Variants in LRRC37A2 observed in about 807,000 individuals in gnomAD.
LRRC37A2 encodes the protein leucine-rich repeat-containing protein 37A2.
LRRC37A2 carries 9 observed loss-of-function variants against 68.8 expected under a neutral mutation model. The observed-to-expected ratio is 0.13, with a 90% CI of 0.08 to 0.23. The LOEUF (loss-of-function observed/expected upper bound fraction) is 0.23, where lower values mean the gene tolerates loss of function less well. Among genes scored for constraint, LRRC37A2 ranks in the 10% least tolerant of loss-of-function variants. The pLI, the probability that LRRC37A2 is intolerant of heterozygous loss-of-function variation, is 1.00. For synonymous variants in LRRC37A2, 63 were observed against 367.6 expected, an observed-to-expected ratio of 0.17 and a Z score of 9.48; for missense variants, 168 against 950.4, an observed-to-expected ratio of 0.18 and a Z score of 10.82.
At chr17:46,903,957 T>C in the LRRC37A2 span, among the ~76,000 whole-genome samples, 1 of 149,454 alleles carries the variant, frequency 6.7e-6, no homozygotes, top group Non-Finnish European at 1.5e-5. Context: ...GATGAAAGGG[T>C]TGGATGTGTG....
At chr17:46,810,021 T>TTTTTTTC in the LRRC37A2 span, among the ~76,000 whole-genome samples, 2 of 149,974 alleles carry the variant, frequency 1.3e-5, no homozygotes, top group African/African-American at 2.5e-5. Context: ...TTTTTTTTTT[T>TTTTTTTC]TTGAGACAGA....
At chr17:46,868,455 G>A in the LRRC37A2 span, among the ~76,000 whole-genome samples, 2 of 152,128 alleles carry the variant, frequency 1.3e-5, no homozygotes, top group African/African-American at 2.4e-5. Context: ...AAATAGCTGG[G>A]CGTGGTGGCA....
chr17:46,824,051 C>A, the LRRC37A2 span, among the ~76,000 whole-genome samples: 3 of 152,094 alleles, frequency 2.0e-5, no homozygotes, highest in Non-Finnish European at 4.4e-5. Flanking sequence ...CCCCTTCAGG[C>A]GCCCAGGAGC....
the LRRC37A2 span, among the ~76,000 whole-genome samples, chr17:46,502,282 C>A: frequency 1.3e-5 from 2 of 150,988 alleles, no homozygotes; most frequent in Non-Finnish European, 2.9e-5. Flanking sequence ...ACTACTTGAC[C>A]CCCACTGTTA....
chr17:46,818,958 C>T, the LRRC37A2 span, among the ~76,000 whole-genome samples: 3 of 152,106 alleles, frequency 2.0e-5, no homozygotes, highest in Non-Finnish European at 2.9e-5. Context: ...CGCGGTGGGC[C>T]GGACCCTCTG....
At chr17:46,885,309 A>AT in the LRRC37A2 span, 70,316 of 208,868 alleles carry the variant, frequency 0.34, 9,673 homozygotes, top group African/African-American at 0.41. Context: ...CCTGGCCAGC[A>AT]TTTTTTTTTT....
chr17:46,771,709 C>T, the LRRC37A2 span, among the ~76,000 whole-genome samples: 1 of 143,818 alleles, frequency 7.0e-6, no homozygotes, highest in Non-Finnish European at 1.5e-5. Flanking sequence ...GGCCGCGCCC[C>T]CGGCCCCGGC....
At chr17:46,818,640 A>C in the LRRC37A2 span, 1 of 1,536,390 alleles carries the variant, frequency 6.5e-7, no homozygotes. Context: ...GACCATGAAG[A>C]GGGGGAGCGA....
the LRRC37A2 span, among the ~76,000 whole-genome samples, chr17:47,006,158 G>A: frequency 2.0e-5 from 3 of 151,874 alleles, no homozygotes; most frequent in Admixed American, 6.6e-5. Context: ...GCAACAGAGC[G>A]AGACTCCATC....
chr17:46,881,156 T>TCAG, the LRRC37A2 span, among the ~76,000 whole-genome samples: 1 of 152,178 alleles, frequency 6.6e-6, no homozygotes, highest in South Asian at 2.1e-4. Flanking sequence ...AGTGCCTGTC[T>TCAG]CCTGGCTCAG....
the LRRC37A2 span, among the ~76,000 whole-genome samples, chr17:47,009,204 C>T: frequency 6.6e-6 from 1 of 151,858 alleles, no homozygotes; most frequent in Non-Finnish European, 1.5e-5. Flanking sequence ...CAAATCATAG[C>T]TTCATACACA....
chr17:46,766,750 C>G, the LRRC37A2 span, among the ~76,000 whole-genome samples: 2 of 152,164 alleles, frequency 1.3e-5, no homozygotes, highest in African/African-American at 4.8e-5. Flanking sequence ...CCCTATGGCA[C>G]AGACATGTGC....
the LRRC37A2 span, chr17:46,978,834 G>T: frequency 6.2e-7 from 1 of 1,605,022 alleles, no homozygotes. Flanking sequence ...GGCTGCGCTC[G>T]TCGGGCGCCA....
the LRRC37A2 span, among the ~76,000 whole-genome samples, chr17:46,769,335 A>G: frequency 3.4e-4 from 51 of 151,842 alleles, no homozygotes; most frequent in African/African-American, 1.2e-3. Context: ...AAAAAAAAGA[A>G]AAGAAAAAGA....
chr17:47,002,111 G>A, the LRRC37A2 span, among the ~76,000 whole-genome samples: 1 of 152,030 alleles, frequency 6.6e-6, no homozygotes, highest in African/African-American at 2.4e-5. Flanking sequence ...CATACAGTGT[G>A]TATTTTTTTG....
the LRRC37A2 span, among the ~76,000 whole-genome samples, chr17:46,925,915 T>G: frequency 3.3e-5 from 5 of 152,208 alleles, no homozygotes; most frequent in African/African-American, 1.2e-4. Context: ...AGATGAACTT[T>G]ATAGAGGAGC....
chr17:46,863,317 A>G, the LRRC37A2 span, among the ~76,000 whole-genome samples: 1 of 152,198 alleles, frequency 6.6e-6, no homozygotes, highest in African/African-American at 2.4e-5. Flanking sequence ...TTAGACACCT[A>G]AGGGGCATAA....
the LRRC37A2 span, chr17:46,935,549 T>G: frequency 6.5e-6 from 8 of 1,227,594 alleles, no homozygotes; most frequent in Admixed American, 4.0e-5. Flanking sequence ...TTAAGGTGGC[T>G]TTCCCTTAGG....
At chr17:46,947,760 A>G in the LRRC37A2 span, among the ~76,000 whole-genome samples, 1 of 152,146 alleles carries the variant, frequency 6.6e-6, no homozygotes, top group Non-Finnish European at 1.5e-5. Context: ...CTTGTCCGTC[A>G]CTAGAAATAG....
Sources: gnomAD v4.1 joint callset for allele counts (sites outside exome capture counted in the v4.1 genomes callset) on GRCh38, gnomAD v4.1.1 for gene constraint, MANE v1.5 for transcripts, NCBI Gene and HGNC (gene_info 2026-07-23, HGNC 2026-07-21) for gene names.